ANKRD33B: variants seen among roughly 807,000 people sequenced by gnomAD.
ANKRD33B encodes ankyrin repeat domain-containing protein 33B.
ANKRD33B carries 6 observed loss-of-function variants against 21.5 expected under a neutral mutation model. The ratio of observed to expected loss-of-function variants is 0.28; its 90% confidence interval spans 0.15 to 0.55. The LOEUF (loss-of-function observed/expected upper bound fraction) is 0.55, where lower values mean the gene tolerates loss of function less well. Ranked by LOEUF, ANKRD33B falls within the 20% of genes least tolerant of loss-of-function variation. The pLI is 0.94. For missense variants in ANKRD33B, 698 were observed against 747.2 expected, an observed-to-expected ratio of 0.93 and a Z score of 0.77; for synonymous variants, 347 against 342.4, an observed-to-expected ratio of 1.01 and a Z score of -0.15.
intron 1 of ANKRD33B, among the ~76,000 whole-genome samples, chr5:10,588,279 A>G (rs10067241): frequency 0.33 from 49,789 of 152,062 alleles, 8,695 homozygotes; most frequent in Admixed American, 0.47. Flanking sequence ...TTTCCTTAGC[A>G]CCTTCATGAG....
chr5:10,592,073 GGTGTGT>G (rs55668434), intron 1 of ANKRD33B, among the ~76,000 whole-genome samples: 84,075 of 149,938 alleles, frequency 0.56, 23,917 homozygotes, highest in East Asian at 0.7. Flanking sequence ...TTGATTTTAT[GGTGTGT>G]GTGTGTGTGT....
Position 10,650,036 on chromosome 5 carries a change from G to T in ANKRD33B, c.1408G>T (p.Ala470Ser). ...YKEAKEEKRKAEEAEKKRQAE... is the reference protein window; with the variant it reads ...YKEAKEEKRKSEEAEKKRQAE... ...GGAGGCCAAGGAGGAGAAGAGGAAG[G>T]CAGAGGAGGCCGAAAAGAAGCGCCA... Residue 470 changes from alanine (A) to serine (S), a missense_variant, in exon 4 of 4, where the codon GCA becomes TCA. By Grantham distance (99) the Ala-to-Ser change is moderately conservative. Coordinates refer to ENST00000296657, the MANE Select transcript of ANKRD33B (RefSeq NM_001164440.2). 6.5e-7 allele frequency: 1 copy of T among 1,532,512 alleles called. No homozygotes were observed. Among genetic ancestry groups the T allele is most frequent in the Non-Finnish European group, 8.7e-7 (1 of 1,144,244 alleles). 94.9% of individuals were successfully genotyped at this position (1,532,512 alleles called of 1,614,324 possible). A position where few individuals can be genotyped will look rare whatever the true frequency, so the allele number is the denominator to read the frequency against.
rs1382115289 is a variant in ANKRD33B, at chr5:10,564,519, A to G, written c.52A>G (p.Thr18Ala). The G allele has an allele frequency of 1.1e-5, 17 of 1,529,524 alleles. No homozygotes were observed. The highest frequency in any genetic ancestry group is 1.5e-5 in the Non-Finnish European group (17 of 1,144,428). 94.7% of individuals were successfully genotyped at this position (1,529,524 alleles called of 1,614,324 possible). ...GGAGGGCGGCGGGGCGCGCTGCATGACCCCACCACCGCCGTCCCCACCCCG... is the reference window on the plus strand; with the variant it reads ...GGAGGGCGGCGGGGCGCGCTGCATGGCCCCACCACCGCCGTCCCCACCCCG... ...GPEGGGARCM[T>A]PPPPSPPRGA... The change falls in exon 1 of 4, where the codon ACC becomes GCC. Residue 18 changes from threonine (T) to alanine (A), a missense_variant. Physicochemically the swap from Thr to Ala is moderately conservative, Grantham distance 58. Around this residue, in one of 3 missense-constraint regions of ANKRD33B, gnomAD observed 148 missense variants for 154.9 expected, o/e 0.96. Transcript: ENST00000296657.
Position 10,650,149 on chromosome 5 carries a change from G to A in ANKRD33B, c.*36G>A, listed in dbSNP as rs563508128. 1,355 of 1,443,458 alleles carry A rather than the reference G, an allele frequency of 9.4e-4. 3 individuals are homozygous for A. The highest frequency in any genetic ancestry group is 1.7e-3 in the Admixed American group (65 of 38,402). 89.4% of individuals were successfully genotyped at this position (1,443,458 alleles called of 1,614,324 possible). ...GCCTGGCGCTGGGGCCGGGGCTGGG[G>A]CCGGGGCGGGGCCGCAGGGCTGGGC... On this transcript the variant is annotated 3_prime_UTR_variant, in exon 4 of 4. Transcript: ENST00000296657.
chr5:10,646,007 A>G (rs1737180420), intron 3 of ANKRD33B, among the ~76,000 whole-genome samples: 1 of 152,226 alleles, frequency 6.6e-6, no homozygotes, highest in Non-Finnish European at 1.5e-5. Context: ...TCCAATGCAC[A>G]GGACAGCCCA....
In ANKRD33B at chr5:10,564,279, G is replaced by T. The variant is rs1734993247; in HGVS notation, c.-189G>T. 1 of 235,758 alleles carries T rather than the reference G, an allele frequency of 4.2e-6. No individual in the cohort carries two copies. The highest frequency in any genetic ancestry group is 7.0e-6 in the Non-Finnish European group (1 of 142,736). 14.6% of individuals were successfully genotyped at this position (235,758 alleles called of 1,614,324 possible). A position where few individuals can be genotyped will look rare whatever the true frequency, so the allele number is the denominator to read the frequency against. On this transcript the variant is annotated 5_prime_UTR_variant, in exon 1 of 4. Coordinates refer to ENST00000296657, the MANE Select transcript of ANKRD33B (RefSeq NM_001164440.2). ...CCCCGCGGTCCCGCCCACCCCAGGG[G>T]CTCGCTCAGCCTCCGGAGACTTTTT...
intron 3 of ANKRD33B, among the ~76,000 whole-genome samples, chr5:10,640,570 G>C (rs185156172): frequency 6.6e-6 from 1 of 152,218 alleles, no homozygotes; most frequent in Non-Finnish European, 1.5e-5. Context: ...AGCACATGTC[G>C]TGTTAGATTC....
intron 1 of ANKRD33B, among the ~76,000 whole-genome samples, chr5:10,611,467 T>C (rs10474877): frequency 0.18 from 27,117 of 152,158 alleles, 4,054 homozygotes; most frequent in African/African-American, 0.41. Context: ...AACACTGATC[T>C]GTGGTTAAGA....
intron 1 of ANKRD33B, among the ~76,000 whole-genome samples, chr5:10,577,979 G>A (rs182275245): frequency 5.9e-4 from 90 of 152,260 alleles, no homozygotes; most frequent in Admixed American, 5.0e-3. Flanking sequence ...CTTAAGAGTC[G>A]CGTTTCAGGA....
rs1246987964 is a variant in ANKRD33B at position 10,619,306 on chromosome 5, C to T, written c.496+844C>T. 1 of 985,426 alleles carries T rather than the reference C, an allele frequency of 1.0e-6. No homozygotes were observed. The highest frequency in any genetic ancestry group is 1.2e-6 in the Non-Finnish European group (1 of 829,928). 61.0% of individuals were successfully genotyped at this position (985,426 alleles called of 1,614,324 possible). ...TGTGTGTTGAAGGAAGGAGGGGAAG[C>T]TTACACGGTTGTCGGGTTGTTGAGA... is the stretch of plus-strand genomic sequence containing the variant. On this transcript the variant is annotated intron_variant, in intron 2 of 3. Transcript: ENST00000296657. The surrounding 1 kb of genome is among the most constrained non-coding windows in gnomAD (Gnocchi z 4.5).
intron 1 of ANKRD33B, among the ~76,000 whole-genome samples, chr5:10,600,389 G>C (rs1457467185): frequency 6.6e-6 from 1 of 152,134 alleles, no homozygotes; most frequent in Non-Finnish European, 1.5e-5. Flanking sequence ...GCCTGTCCTT[G>C]GATTTCATTA....
At chr5:10,572,339 C>T (rs1416857428) in intron 1 of ANKRD33B, among the ~76,000 whole-genome samples, 4 of 152,092 alleles carry the variant, frequency 2.6e-5, no homozygotes, top group South Asian at 2.1e-4. Flanking sequence ...GTGCAGAATC[C>T]CAGCCCTCCC....
chr5:10,632,438 C>T (rs879771942), intron 2 of ANKRD33B, among the ~76,000 whole-genome samples: 3 of 152,170 alleles, frequency 2.0e-5, no homozygotes, highest in Non-Finnish European at 2.9e-5. Flanking sequence ...TGTCCCCCAA[C>T]GAAGGCACCT....
Position 10,654,129 on chromosome 5 carries a change from C to A in ANKRD33B, c.*4016C>A, listed in dbSNP as rs17829345. ...CAGAAAAGCCAGGGCCTGTGTGGGG[C>A]AATGTGTTGTCCCTGTCGGGTTATG... On this transcript the variant is annotated 3_prime_UTR_variant, in exon 4 of 4. Transcript: ENST00000296657. The A allele has an allele frequency of 0.23, 35,558 of 152,440 alleles. 4,628 individuals are homozygous for A. Among genetic ancestry groups the A allele is most frequent in the Non-Finnish European group, 0.31 (20,972 of 68,088 alleles). The allele number at this position is 152,440 out of a possible 1,614,324, so 9.4% of individuals were successfully genotyped here.
chr5:10,626,816 C>G (rs1000408346), intron 2 of ANKRD33B, among the ~76,000 whole-genome samples: 2 of 152,196 alleles, frequency 1.3e-5, no homozygotes, highest in African/African-American at 4.8e-5. Context: ...ATCTCACCAA[C>G]CAGGGTTGCG....
intron 1 of ANKRD33B, among the ~76,000 whole-genome samples, chr5:10,601,315 G>A (rs1352538854): frequency 1.3e-5 from 2 of 152,112 alleles, no homozygotes; most frequent in African/African-American, 2.4e-5. Flanking sequence ...CTCAGCCCTC[G>A]TGGAAGCCCG....
chr5:10,644,575 A>G (rs1046883597), intron 3 of ANKRD33B, among the ~76,000 whole-genome samples: 7 of 152,186 alleles, frequency 4.6e-5, no homozygotes, highest in African/African-American at 1.4e-4. Context: ...GATTTAAAGG[A>G]CGGCGAGGAA....
intron 3 of ANKRD33B, among the ~76,000 whole-genome samples, chr5:10,644,217 A>T (rs184308935): frequency 5.1e-4 from 77 of 152,360 alleles, no homozygotes; most frequent in African/African-American, 1.9e-3. Context: ...AATAAAAAGT[A>T]TAACCGGGTT....
rs1737449200 is a variant in ANKRD33B at position 10,654,964 on chromosome 5, TC to T, written c.*4853del. 1 of 152,424 alleles carries T rather than the reference TC, an allele frequency of 6.6e-6. No individual in the cohort carries two copies. Among genetic ancestry groups the T allele is most frequent in the Non-Finnish European group, 1.5e-5 (1 of 68,092 alleles). 9.4% of individuals were successfully genotyped at this position (152,424 alleles called of 1,614,324 possible). A position where few individuals can be genotyped will look rare whatever the true frequency, so the allele number is the denominator to read the frequency against. Reference sequence around the variant, plus strand: ...GCACTTGGGAACATCGTGGACATCTTCCTTCCTCTCAGGCTCCTCCTGACAG... The same window carrying T: ...GCACTTGGGAACATCGTGGACATCTTCTTCCTCTCAGGCTCCTCCTGACAG... On this transcript the variant is annotated 3_prime_UTR_variant, in exon 4 of 4. Transcript: ENST00000296657.
Sources: gnomAD v4.1 joint callset for allele counts (sites outside exome capture counted in the v4.1 genomes callset) on GRCh38, gnomAD v4.1.1 for gene constraint, gnomAD v4.1.1 regional missense constraint, Gnocchi (gnomAD v3.1) non-coding constraint, MANE v1.5 for transcripts, NCBI Gene and HGNC (gene_info 2026-07-23, HGNC 2026-07-21) for gene names.